Variants in CHD9 observed in about 807,000 individuals in gnomAD.
CHD9 encodes chromodomain helicase DNA binding protein 9, also known as ATP-dependent chromatin remodeler CHD9.
CHD9 carries 77 observed loss-of-function variants against 316.1 expected under a neutral mutation model. That is an observed-to-expected ratio of 0.24 (90% confidence interval 0.20 to 0.29). CHD9 has a LOEUF of 0.29. Among genes scored for constraint, CHD9 ranks in the 10% least tolerant of loss-of-function variants. The probability of loss-of-function intolerance (pLI) is 1.00; values close to 1 mark genes in which losing one functional copy is unlikely to be tolerated. For missense variants in CHD9, 2,763 were observed against 3,438.1 expected, an observed-to-expected ratio of 0.80 and a Z score of 4.91; for synonymous variants, 1,129 against 1,158.3, an observed-to-expected ratio of 0.97 and a Z score of 0.51.
intron 1 of CHD9, among the ~76,000 whole-genome samples, chr16:53,081,345 T>G (rs1021211445): frequency 6.6e-6 from 1 of 152,206 alleles, no homozygotes; most frequent in African/African-American, 2.4e-5. Context: ...TGCAGTTTTC[T>G]CTTTGATGGT....
intron 1 of CHD9, among the ~76,000 whole-genome samples, chr16:53,075,042 G>T (rs865887446): frequency 1.4e-4 from 21 of 152,344 alleles, no homozygotes; most frequent in Middle Eastern, 3.4e-3. Flanking sequence ...GGGCAGAGCT[G>T]CCCAAGGCCA....
intron 33 of CHD9, among the ~76,000 whole-genome samples, chr16:53,308,291 T>G (rs1047066325): frequency 6.6e-6 from 1 of 152,234 alleles, no homozygotes; most frequent in Non-Finnish European, 1.5e-5. Context: ...TGCCCTGTTA[T>G]CAGTATTGTT....
chr16:53,066,972 C>T (rs1052518040), intron 1 of CHD9, among the ~76,000 whole-genome samples: 9 of 152,330 alleles, frequency 5.9e-5, no homozygotes, highest in South Asian at 2.1e-4. Flanking sequence ...GAGACAAGGT[C>T]TCTCTCTGTC....
intron 1 of CHD9, among the ~76,000 whole-genome samples, chr16:53,132,765 C>T (rs1567355196): frequency 7.1e-6 from 1 of 141,670 alleles, no homozygotes; most frequent in African/African-American, 2.6e-5. Flanking sequence ...TATGTATCTT[C>T]GAAGACTTTC....
chr16:53,318,600 T>C (rs911666674), intron 37 of CHD9, among the ~76,000 whole-genome samples: 4 of 152,228 alleles, frequency 2.6e-5, no homozygotes, highest in East Asian at 1.9e-4. Flanking sequence ...TGTACACTTA[T>C]ACAAGGGCAC....
At chr16:53,174,053 T>G (rs2042948911) in intron 2 of CHD9, among the ~76,000 whole-genome samples, 1 of 152,218 alleles carries the variant, frequency 6.6e-6, no homozygotes, top group South Asian at 2.1e-4. Context: ...TAATTTCTTC[T>G]TTGGCCCATG....
chr16:53,117,561 C>A (rs1333602273), intron 1 of CHD9, among the ~76,000 whole-genome samples: 3 of 151,886 alleles, frequency 2.0e-5, no homozygotes, highest in Non-Finnish European at 1.5e-5. Context: ...ATTACAGGCA[C>A]CCACCACCAT....
chr16:53,137,185 G>T (rs1395379045), intron 1 of CHD9, among the ~76,000 whole-genome samples: 1 of 152,084 alleles, frequency 6.6e-6, no homozygotes, highest in Non-Finnish European at 1.5e-5. Context: ...TGTTGGCCAG[G>T]ATGGTCTCGA....
chr16:53,198,030 A>G (rs190957945), intron 2 of CHD9, among the ~76,000 whole-genome samples: 2 of 152,072 alleles, frequency 1.3e-5, no homozygotes, highest in African/African-American at 4.8e-5. Flanking sequence ...TACATAGCCA[A>G]TTATATTTTC....
At chr16:53,192,178 G>A (rs2044534043) in intron 2 of CHD9, among the ~76,000 whole-genome samples, 1 of 152,132 alleles carries the variant, frequency 6.6e-6, no homozygotes, top group Admixed American at 6.5e-5. Flanking sequence ...GAACAGGGAA[G>A]GAGAGTTAAA....
chr16:53,084,512 A>G (rs1022994277), intron 1 of CHD9, among the ~76,000 whole-genome samples: 5 of 152,222 alleles, frequency 3.3e-5, no homozygotes, highest in African/African-American at 1.2e-4. Context: ...TGGGAGGCCA[A>G]GGCGGGTGGA....
chr16:53,254,477 G>C lies in CHD9; in HGVS notation c.3901G>C (p.Val1301Leu). 6.2e-7 allele frequency: 1 copy of C among 1,611,570 alleles called. No homozygotes were observed. The highest frequency in any genetic ancestry group is 8.5e-7 in the Non-Finnish European group (1 of 1,178,480). The change falls in exon 18 of 39, where the codon GTT (valine) becomes CTT (leucine). Residue 1301 changes from valine (V) to leucine (L), a missense_variant. Physicochemically the swap from Val to Leu is conservative, Grantham distance 32. Coordinates refer to ENST00000447540, the MANE Select transcript of CHD9 (RefSeq NM_001308319.2). ...CCACAGAATTGGTCAGAACAAAGCA[G>C]TTAAAGTCTACAGACTGGTAACTCG... ...RCHRIGQNKAVKVYRLVTRNS... is the reference protein window; with the variant it reads ...RCHRIGQNKALKVYRLVTRNS...
At chr16:53,115,331 T>A (rs878864930) in intron 1 of CHD9, among the ~76,000 whole-genome samples, 1 of 152,226 alleles carries the variant, frequency 6.6e-6, no homozygotes, top group Admixed American at 6.5e-5. Flanking sequence ...GTTGCACAAG[T>A]AATTACAAAA....
At chr16:53,232,359 T>G (rs754154628) in intron 10 of CHD9, among the ~76,000 whole-genome samples, 2 of 152,168 alleles carry the variant, frequency 1.3e-5, no homozygotes, top group Admixed American at 1.3e-4. Context: ...TAAGTGATTC[T>G]CAGTCAAAGG....
In CHD9 at chr16:53,231,678, C is replaced by T; in HGVS notation, c.2405C>T (p.Ser802Leu). 2.5e-6 allele frequency: 4 copies of T among 1,602,264 alleles called. No homozygotes were observed. In the South Asian group the frequency reaches 3.3e-5, roughly 13 times the overall value. Residue 802 changes from serine (S) to leucine (L), a missense_variant, in exon 10 of 39, where the codon TCA becomes TTA. Ser to Leu is a moderately radical substitution (Grantham distance 145, BLOSUM62 -2). Around this residue, in one of 15 missense-constraint regions of CHD9, gnomAD observed 186 missense variants for 245.0 expected, o/e 0.76. Coordinates refer to ENST00000447540, the MANE Select transcript of CHD9 (RefSeq NM_001308319.2). ...ATTTACTACTTAGTAAAATGGTGCTCATTGCCATATGAAGATAGTACTTGG... is the reference window on the plus strand; with the variant it reads ...ATTTACTACTTAGTAAAATGGTGCTTATTGCCATATGAAGATAGTACTTGG... ...PVIYYLVKWC[S>L]LPYEDSTWEL...
chr16:53,247,542 TATGC>T, intron 16 of CHD9, 39 bp downstream of exon 16: 1 of 1,370,522 alleles, frequency 7.3e-7, no homozygotes, highest in Non-Finnish European at 1.0e-6. Context: ...ATGCTAAGTA[TATGC>T]TATTAAGATT....
At chr16:53,313,965 AC>A (rs1053138550) in intron 34 of CHD9, among the ~76,000 whole-genome samples, 2 of 151,970 alleles carry the variant, frequency 1.3e-5, no homozygotes, top group Admixed American at 6.5e-5. Flanking sequence ...AAAAAAAAAA[AC>A]AAAAATCAAA....
chr16:53,243,106 T>A, intron 13 of CHD9, 90 bp downstream of exon 13: 1 of 899,874 alleles, frequency 1.1e-6, no homozygotes, highest in African/African-American at 1.7e-5. Context: ...TTTTTCTTTT[T>A]AATTTTAGAG....
At chr16:53,124,757 G>A (rs1193219862) in intron 1 of CHD9, among the ~76,000 whole-genome samples, 1 of 152,066 alleles carries the variant, frequency 6.6e-6, no homozygotes, top group Non-Finnish European at 1.5e-5. Flanking sequence ...TGGGATTACA[G>A]GTGTGAGCCA....
Sources: gnomAD v4.1 joint callset for allele counts (sites outside exome capture counted in the v4.1 genomes callset) on GRCh38, gnomAD v4.1.1 for gene constraint, gnomAD v4.1.1 regional missense constraint, MANE v1.5 for transcripts, NCBI Gene and HGNC (gene_info 2026-07-23, HGNC 2026-07-21) for gene names.